DAB1: variants seen among roughly 807,000 people sequenced by gnomAD.
DAB1 encodes DAB adaptor protein 1.
A neutral mutation model predicts 64.6 loss-of-function variants in DAB1; 15 were observed. The ratio of observed to expected loss-of-function variants is 0.23; its 90% CI spans 0.16 to 0.36. The LOEUF is 0.36. Ranked by LOEUF, DAB1 falls within the 10% of genes least tolerant of loss-of-function variation. DAB1 has a pLI of 1.00. For synonymous variants in DAB1, 235 were observed against 251.9 expected, an observed-to-expected ratio of 0.93 and a Z score of 0.64; for missense variants, 596 against 706.7, an observed-to-expected ratio of 0.84 and a Z score of 1.78.
intron 5 of DAB1, among the ~76,000 whole-genome samples, chr1:57,940,485 T>C (rs140675439): frequency 1.1e-4 from 17 of 152,330 alleles, no homozygotes; most frequent in African/African-American, 3.6e-4. Flanking sequence ...AAACAGCAAG[T>C]GAAGGGCAGA....
intron 2 of DAB1, among the ~76,000 whole-genome samples, chr1:58,517,573 G>A (rs187926068): frequency 9.2e-5 from 14 of 152,098 alleles, no homozygotes; most frequent in African/African-American, 3.1e-4. Flanking sequence ...ATTCTCCCAT[G>A]GAATGAATGT....
At chr1:58,409,830 C>G (rs971970245) in intron 3 of DAB1, among the ~76,000 whole-genome samples, 1 of 152,174 alleles carries the variant, frequency 6.6e-6, no homozygotes, top group African/African-American at 2.4e-5. Flanking sequence ...TCCTGTTTAG[C>G]CAAGGGACCT....
Position 57,009,198 on chromosome 1 carries a change from C to T in DAB1, c.*15+1482G>A, listed in dbSNP as rs570841852. ...AAATTTTTCAAGGCAAGGTTGAGCA[C>T]GTGAAATACAACTTAGGCGGGGGGT... On this transcript the variant is annotated intron_variant, in intron 14 of 14. Coordinates refer to ENST00000371236, the MANE Select transcript of DAB1 (RefSeq NM_001365792.1). Among the ~76,000 whole-genome samples, 28 of 152,298 alleles carry T rather than the reference C, an allele frequency of 1.8e-4. 1 individual carries two copies. The South Asian group carries it at 5.2e-3, about 28-fold the overall frequency.
chr1:57,385,900 T>C (rs1209083359), intron 1 of DAB1, among the ~76,000 whole-genome samples: 2 of 152,162 alleles, frequency 1.3e-5, no homozygotes, highest in Middle Eastern at 3.2e-3. Flanking sequence ...CCTTGGAAGG[T>C]ATTTAAATGT....
At chr1:57,814,272 T>C (rs1309151801) in intron 6 of DAB1, among the ~76,000 whole-genome samples, 1 of 152,156 alleles carries the variant, frequency 6.6e-6, no homozygotes, top group Non-Finnish European at 1.5e-5. Context: ...AGTACAGATA[T>C]AGTCTATAAT....
chr1:57,425,330 T>C (rs1417194428), upstream of DAB1, among the ~76,000 whole-genome samples: 2 of 152,136 alleles, frequency 1.3e-5, no homozygotes, highest in African/African-American at 4.8e-5. Flanking sequence ...GATAATGTGA[T>C]GGATTTGTGC....
At chr1:58,133,151 G>T (rs996942797) in intron 5 of DAB1, among the ~76,000 whole-genome samples, 2 of 152,170 alleles carry the variant, frequency 1.3e-5, no homozygotes, top group Non-Finnish European at 2.9e-5. Context: ...GCACACAAGG[G>T]CTTTCTGTTC....
chr1:57,126,677 T>C (rs762256280), intron 4 of DAB1, among the ~76,000 whole-genome samples: 5 of 152,316 alleles, frequency 3.3e-5, no homozygotes, highest in East Asian at 1.9e-4. Flanking sequence ...ATTGTTTTCA[T>C]TGGCGTTTTC....
At chr1:57,318,878 T>C (rs74074918) in intron 1 of DAB1, among the ~76,000 whole-genome samples, 1,586 of 152,298 alleles carry the variant, frequency 0.01, 13 homozygotes, top group African/African-American at 0.022. Context: ...CACAGTTCTA[T>C]GCCTGCTCTT....
chr1:58,451,094 A>G (rs572578356), intron 3 of DAB1, among the ~76,000 whole-genome samples: 31 of 152,296 alleles, frequency 2.0e-4, no homozygotes, highest in African/African-American at 4.8e-4. Context: ...TATTAATTTA[A>G]TTTTATTTTT....
intron 2 of DAB1, among the ~76,000 whole-genome samples, chr1:57,209,983 C>T (rs2100325030): frequency 6.6e-6 from 1 of 152,324 alleles, no homozygotes; most frequent in Admixed American, 6.5e-5. Flanking sequence ...ATTTTAGCTT[C>T]TTACAAACTG....
chr1:57,454,730 T>C (rs760969887), intron 7 of DAB1, among the ~76,000 whole-genome samples: 4 of 152,118 alleles, frequency 2.6e-5, no homozygotes, highest in Non-Finnish European at 5.9e-5. Flanking sequence ...TTGTTGAAGA[T>C]AGTTCTCTAG....
At chr1:57,006,394 C>T (rs972145634) in intron 14 of DAB1, among the ~76,000 whole-genome samples, 1 of 152,192 alleles carries the variant, frequency 6.6e-6, no homozygotes, top group African/African-American at 2.4e-5. Flanking sequence ...TGACTGGCAC[C>T]ATGTAGATCC....
intron 4 of DAB1, among the ~76,000 whole-genome samples, chr1:57,098,441 G>A (rs905429327): frequency 6.6e-6 from 1 of 152,170 alleles, no homozygotes; most frequent in African/African-American, 2.4e-5. Flanking sequence ...TATGAAAACA[G>A]CTCACGGACC....
At chr1:57,254,861 A>G (rs1271678320) in intron 2 of DAB1, among the ~76,000 whole-genome samples, 2 of 151,192 alleles carry the variant, frequency 1.3e-5, no homozygotes, top group African/African-American at 4.9e-5. Context: ...ACACACACAT[A>G]CACACACACA....
intron 4 of DAB1, among the ~76,000 whole-genome samples, chr1:58,332,343 T>C (rs568251552): frequency 7.9e-5 from 12 of 152,300 alleles, no homozygotes; most frequent in African/African-American, 2.6e-4. Context: ...TTTTTTCATG[T>C]TCCCCCAGGT....
At chr1:57,372,378 G>A (rs1026198975) in intron 1 of DAB1, among the ~76,000 whole-genome samples, 3 of 152,150 alleles carry the variant, frequency 2.0e-5, no homozygotes, top group African/African-American at 7.2e-5. Context: ...AAAGACACAT[G>A]GGACCTGAGG....
At chr1:58,251,077 T>C (rs548068374) in intron 4 of DAB1, among the ~76,000 whole-genome samples, 1 of 152,294 alleles carries the variant, frequency 6.6e-6, no homozygotes, top group Non-Finnish European at 1.5e-5. Flanking sequence ...TTTCTTCATC[T>C]ACAAAATGGG....
chr1:57,575,573 A>G (rs1217596663), intron 7 of DAB1, among the ~76,000 whole-genome samples: 1 of 152,358 alleles, frequency 6.6e-6, no homozygotes, highest in African/African-American at 2.4e-5. Flanking sequence ...GAACAGTTCA[A>G]TGAAAATGAT....
Sources: allele counts gnomAD v4.1 joint callset (sites outside exome capture counted in the v4.1 genomes callset), GRCh38; gene constraint gnomAD v4.1.1; transcripts MANE v1.5; gene names NCBI Gene and HGNC (gene_info 2026-07-23, HGNC 2026-07-21).